The following CEP128 variants were observed in gnomAD, a reference collection of about 807,000 sequenced individuals.
CEP128 encodes centrosomal protein 128kDa.
A neutral mutation model predicts 156.7 loss-of-function variants in CEP128; 132 were observed. The ratio of observed to expected loss-of-function variants is 0.84; its 90% CI spans 0.73 to 0.97. The LOEUF (loss-of-function observed/expected upper bound fraction) is 0.97. CEP128 is among the 50% of genes least tolerant of loss of function. The probability of loss-of-function intolerance (pLI) is 0.00; values close to 1 mark genes in which losing one functional copy is unlikely to be tolerated. For missense variants in CEP128, 1,252 were observed against 1,281.9 expected (o/e 0.98, Z 0.36); for synonymous variants, 469 against 448.9 (o/e 1.04, Z -0.57).
intron 19 of CEP128, among the ~76,000 whole-genome samples, chr14:80,651,453 T>G (rs1276579696): frequency 6.6e-6 from 1 of 152,178 alleles, no homozygotes; most frequent in Non-Finnish European, 1.5e-5. Context: ...TCTTGTCTTC[T>G]GCTAGCTTTT....
intron 2 of CEP128, among the ~76,000 whole-genome samples, chr14:80,922,235 G>T (rs1354752407): frequency 6.6e-6 from 1 of 152,068 alleles, no homozygotes; most frequent in African/African-American, 2.4e-5. Context: ...GCAACTTCCT[G>T]ACCTTATTTC....
intron 20 of CEP128, among the ~76,000 whole-genome samples, chr14:80,574,951 G>C (rs1022718873): frequency 1.3e-4 from 20 of 151,976 alleles, no homozygotes; most frequent in African/African-American, 4.6e-4. Context: ...ACTTAAAAAT[G>C]ATTATGGGTC....
Position 80,905,049 on chromosome 14 carries a change from C to T in CEP128, c.362-118G>A. On this transcript the variant is annotated intron_variant, in intron 5 of 24. Transcript: ENST00000555265. The stretch of plus-strand genomic sequence containing the variant: ...TATACATATATTCATGTCCCTAACC[C>T]AGACTATTTCCCAAGTATCTTGCTA... 6.3e-6 allele frequency: 4 copies of T among 631,536 alleles called. No homozygotes were observed. The Admixed American group carries it at 7.4e-5, about 12-fold the overall frequency. The allele number at this position is 631,536 out of a possible 1,614,324, so 39.1% of individuals were successfully genotyped here.
At chr14:80,529,645 G>GA (rs1889136062) in intron 22 of CEP128, among the ~76,000 whole-genome samples, 1 of 152,104 alleles carries the variant, frequency 6.6e-6, no homozygotes, top group East Asian at 1.9e-4. Flanking sequence ...TAGTTACAGA[G>GA]AAAAAAATGA....
At chr14:80,843,612 T>C (rs551223311) in intron 9 of CEP128, among the ~76,000 whole-genome samples, 2 of 152,000 alleles carry the variant, frequency 1.3e-5, no homozygotes, top group Non-Finnish European at 2.9e-5. Context: ...ATTCTTCACA[T>C]GGGTAGAAAA....
intron 21 of CEP128, among the ~76,000 whole-genome samples, chr14:80,540,204 C>A (rs939833636): frequency 4.0e-5 from 6 of 150,190 alleles, no homozygotes; most frequent in Non-Finnish European, 7.4e-5. Flanking sequence ...TACACCCCCC[C>A]CCCTTTTGAA....
chr14:80,547,080 TA>T (rs560898322), intron 21 of CEP128, among the ~76,000 whole-genome samples: 1 of 152,014 alleles, frequency 6.6e-6, no homozygotes, highest in Non-Finnish European at 1.5e-5. Context: ...TGCAGATGCA[TA>T]AAAAAAGGTC....
At chr14:80,711,330 T>TGTGTGA (rs1897398311) in intron 19 of CEP128, among the ~76,000 whole-genome samples, 3 of 151,836 alleles carry the variant, frequency 2.0e-5, no homozygotes, top group Non-Finnish European at 2.9e-5. Flanking sequence ...TGTGTGTGTG[T>TGTGTGA]GTGTCTATAT....
In CEP128 at chr14:80,650,880, T is replaced by C. The variant is rs1013325095; in HGVS notation, c.2807-70457A>G. On this transcript the variant is annotated intron_variant, in intron 19 of 24. Transcript: ENST00000555265. ...TCAGGGATACTGGCCTGAAATTTTC[T>C]TTTTTTGTTGTGTCTCTGCCAGGTT... is the stretch of plus-strand genomic sequence containing the variant. Among the ~76,000 whole-genome samples, 8 of 152,276 alleles carry C rather than the reference T, an allele frequency of 5.3e-5. No individual in the cohort carries two copies. The South Asian group carries it at 1.7e-3, about 32-fold the overall frequency.
intron 8 of CEP128, among the ~76,000 whole-genome samples, chr14:80,870,836 T>C (rs999935740): frequency 1.3e-5 from 2 of 151,362 alleles, no homozygotes; most frequent in Non-Finnish European, 2.9e-5. Flanking sequence ...TGATCTTATA[T>C]ACAGAAAGCC....
intron 19 of CEP128, among the ~76,000 whole-genome samples, chr14:80,712,013 T>G (rs1897431017): frequency 1.3e-5 from 2 of 152,152 alleles, no homozygotes; most frequent in Non-Finnish European, 2.9e-5. Context: ...TAATCTAATT[T>G]CAATGACTAC....
At chr14:80,870,819 G>T (rs1050029768) in intron 8 of CEP128, among the ~76,000 whole-genome samples, 2 of 151,590 alleles carry the variant, frequency 1.3e-5, no homozygotes, top group East Asian at 3.9e-4. Flanking sequence ...CCTGTTTTCA[G>T]ATGACATGAT....
At chr14:80,522,319 A>G (rs1368126386) in intron 23 of CEP128, among the ~76,000 whole-genome samples, 4 of 152,226 alleles carry the variant, frequency 2.6e-5, no homozygotes, top group Non-Finnish European at 5.9e-5. Flanking sequence ...CAAAGATTCA[A>G]TGAGAGAGAA....
chr14:80,809,096 A>G (rs1041449326), intron 13 of CEP128, among the ~76,000 whole-genome samples: 3 of 152,206 alleles, frequency 2.0e-5, no homozygotes, highest in Non-Finnish European at 4.4e-5. Flanking sequence ...AGACAAAAAA[A>G]TTACAAACAA....
At chr14:80,661,556 T>C (rs1013021526) in intron 19 of CEP128, among the ~76,000 whole-genome samples, 9 of 152,202 alleles carry the variant, frequency 5.9e-5, no homozygotes, top group African/African-American at 2.2e-4. Context: ...AATATTTGTA[T>C]AGCTAAGATG....
At chr14:80,718,227 G>A (rs1026026931) in intron 19 of CEP128, among the ~76,000 whole-genome samples, 1 of 152,132 alleles carries the variant, frequency 6.6e-6, no homozygotes, top group Non-Finnish European at 1.5e-5. Flanking sequence ...ATGAAAGTCT[G>A]TATAAATTAT....
chr14:80,592,540 A>G (rs928879896), intron 19 of CEP128, among the ~76,000 whole-genome samples: 2 of 152,206 alleles, frequency 1.3e-5, no homozygotes, highest in Non-Finnish European at 2.9e-5. Context: ...CCAGGACCAG[A>G]CGGATTCACA....
intron 18 of CEP128, among the ~76,000 whole-genome samples, chr14:80,749,345 C>T (rs1899271087): frequency 6.6e-6 from 1 of 152,186 alleles, no homozygotes; most frequent in Non-Finnish European, 1.5e-5. Context: ...TGTTGTGGCA[C>T]TAATCACAAC....
intron 19 of CEP128, among the ~76,000 whole-genome samples, chr14:80,681,709 G>A (rs575686711): frequency 2.6e-5 from 4 of 152,286 alleles, no homozygotes; most frequent in East Asian, 1.9e-4. Flanking sequence ...GCCTTCCGCC[G>A]TGATTGTAAG....
Sources: gnomAD v4.1 joint callset for allele counts (sites outside exome capture counted in the v4.1 genomes callset) on GRCh38, gnomAD v4.1.1 for gene constraint, MANE v1.5 for transcripts, NCBI Gene and HGNC (gene_info 2026-07-23, HGNC 2026-07-21) for gene names.